The following MICU2 variants were observed in gnomAD, a reference collection of about 807,000 sequenced individuals.
MICU2 encodes calcium uptake protein 2, mitochondrial.
A neutral mutation model predicts 60.4 loss-of-function variants in MICU2; 64 were observed. That is an observed-to-expected ratio of 1.06 (90% CI 0.87 to 1.31). The LOEUF (loss-of-function observed/expected upper bound fraction) is 1.31, where lower values mean the gene tolerates loss of function less well. Ranked by LOEUF, MICU2 falls within the 50% of genes most tolerant of loss-of-function variation. MICU2 has a pLI of 0.00. For missense variants in MICU2, 569 were observed against 531.0 expected, an observed-to-expected ratio of 1.07 and a Z score of -0.70; for synonymous variants, 201 against 175.0, an observed-to-expected ratio of 1.15 and a Z score of -1.17.
intron 1 of MICU2, among the ~76,000 whole-genome samples, chr13:21,572,596 C>A (rs887338134): frequency 3.3e-5 from 5 of 152,242 alleles, no homozygotes; most frequent in Admixed American, 1.3e-4. Flanking sequence ...TTATAATTGG[C>A]ATGTCCTTGT....
chr13:21,583,578 CT>C (rs1345785685), intron 1 of MICU2, among the ~76,000 whole-genome samples: 2 of 152,160 alleles, frequency 1.3e-5, no homozygotes, highest in Admixed American at 6.5e-5. Flanking sequence ...TTAAATGAGC[CT>C]TTGGGAAGTG....
chr13:21,587,392 G>C (rs1487599740), intron 1 of MICU2, among the ~76,000 whole-genome samples: 1 of 152,132 alleles, frequency 6.6e-6, no homozygotes, highest in Non-Finnish European at 1.5e-5. Flanking sequence ...AATGATAAAA[G>C]TAATTGTAAT....
chr13:21,521,404 T>C, intron 5 of MICU2, 77 bp from the exon 6 acceptor site: 2 of 1,109,276 alleles, frequency 1.8e-6, no homozygotes, highest in African/African-American at 1.6e-5. Context: ...TCTTCAAATT[T>C]GACATACACT....
chr13:21,563,927 G>C (rs1465350097), intron 2 of MICU2, among the ~76,000 whole-genome samples: 4 of 151,696 alleles, frequency 2.6e-5, no homozygotes, highest in Non-Finnish European at 5.9e-5. Context: ...CTCAGCCTCT[G>C]AAGTAGCTAG....
At chr13:21,571,206 T>C (rs1888099747) in intron 1 of MICU2, among the ~76,000 whole-genome samples, 1 of 152,142 alleles carries the variant, frequency 6.6e-6, no homozygotes, top group South Asian at 2.1e-4. Context: ...ATATTCGTGG[T>C]AGGTTAGGCT....
chr13:21,558,570 C>T (rs1225604733), intron 2 of MICU2, among the ~76,000 whole-genome samples: 6 of 152,112 alleles, frequency 3.9e-5, no homozygotes, highest in Admixed American at 1.3e-4. Context: ...ATGGTGAAGT[C>T]GGTTTCTTTG....
chr13:21,522,132 C>T (rs1886733505), intron 5 of MICU2, among the ~76,000 whole-genome samples: 1 of 152,198 alleles, frequency 6.6e-6, no homozygotes, highest in Non-Finnish European at 1.5e-5. Flanking sequence ...ATGAACTACA[C>T]TATCGACTTA....
intron 9 of MICU2, among the ~76,000 whole-genome samples, chr13:21,497,913 T>A (rs1178613955): frequency 6.6e-6 from 1 of 152,096 alleles, no homozygotes; most frequent in Admixed American, 6.5e-5. Context: ...CACACCCAAC[T>A]AATGTTTTTA....
At chr13:21,576,292 A>G (rs911906524) in intron 1 of MICU2, among the ~76,000 whole-genome samples, 3 of 152,130 alleles carry the variant, frequency 2.0e-5, no homozygotes, top group Admixed American at 2.0e-4. Context: ...GCAGCTGAGA[A>G]GTAGATGCAG....
intron 1 of MICU2, among the ~76,000 whole-genome samples, chr13:21,599,224 AAAG>A (rs2138079027): frequency 6.6e-6 from 1 of 152,328 alleles, no homozygotes; most frequent in East Asian, 1.9e-4. Flanking sequence ...TTCCTGCAGG[AAAG>A]AAGTACACTT....
At chr13:21,495,121 T>C (rs1593310630) in intron 11 of MICU2, 40 bp downstream of exon 11, 3 of 1,526,288 alleles carry the variant, frequency 2.0e-6, no homozygotes, top group Admixed American at 2.0e-5. Flanking sequence ...TATCAGTTAA[T>C]GACAATGTAA....
At chr13:21,594,981 A>G (rs1888661501) in intron 1 of MICU2, among the ~76,000 whole-genome samples, 2 of 152,220 alleles carry the variant, frequency 1.3e-5, no homozygotes, top group African/African-American at 2.4e-5. Flanking sequence ...TGTTCTGCAC[A>G]TGTATCCTGT....
At chr13:21,594,471 G>A (rs1028693329) in intron 1 of MICU2, among the ~76,000 whole-genome samples, 3 of 152,166 alleles carry the variant, frequency 2.0e-5, no homozygotes, top group African/African-American at 7.2e-5. Flanking sequence ...AGACAGTGTG[G>A]CGACCTCAAG....
intron 8 of MICU2, among the ~76,000 whole-genome samples, chr13:21,509,144 T>C (rs1204230228): frequency 1.3e-5 from 2 of 152,282 alleles, no homozygotes; most frequent in East Asian, 3.9e-4. Context: ...TTTTAAGACT[T>C]TGGTTAGTGG....
intron 1 of MICU2, among the ~76,000 whole-genome samples, chr13:21,599,132 G>A (rs1430531405): frequency 6.6e-6 from 1 of 152,194 alleles, no homozygotes; most frequent in Non-Finnish European, 1.5e-5. Context: ...ACCTCCATCA[G>A]TGGAGAAACT....
chr13:21,573,280 G>GTT (rs113206294), intron 1 of MICU2, among the ~76,000 whole-genome samples: 8 of 57,142 alleles, frequency 1.4e-4, no homozygotes, highest in East Asian at 3.4e-3. Context: ...ACATTTTTTT[G>GTT]TTTTTTTTTT....
Position 21,566,842 on chromosome 13 carries a change from T to C in MICU2, c.313A>G (p.Thr105Ala), listed in dbSNP as rs1887995808. 6.2e-7 allele frequency: 1 copy of C among 1,611,486 alleles called. No individual in the cohort carries two copies. The change falls in exon 2 of 12, where the codon ACA becomes GCA. Residue 105 changes from threonine to alanine, a missense_variant. Physicochemically the swap from Thr to Ala is moderately conservative, Grantham distance 58. Transcript: ENST00000382374. ...ACTGAGAAGAGGAAGTCTCGTGGTG[T>C]CATATAATATTCTCCTTCATGTTCG... ...SLEHEGEYYM[T>A]PRDFLFSVMF...
intron 1 of MICU2, among the ~76,000 whole-genome samples, chr13:21,576,786 CA>C (rs1475481187): frequency 6.6e-6 from 1 of 152,108 alleles, no homozygotes; most frequent in Admixed American, 6.6e-5. Flanking sequence ...TCTCTATCAC[CA>C]AATCTCTCAT....
intron 2 of MICU2, among the ~76,000 whole-genome samples, chr13:21,550,539 TA>T (rs1464602615): frequency 6.6e-6 from 1 of 152,116 alleles, no homozygotes; most frequent in African/African-American, 2.4e-5. Context: ...CGCTATCTCT[TA>T]AACAAAACAA....
Sources: allele counts gnomAD v4.1 joint callset (sites outside exome capture counted in the v4.1 genomes callset), GRCh38; gene constraint gnomAD v4.1.1; transcripts MANE v1.5; gene names NCBI Gene and HGNC (gene_info 2026-07-23, HGNC 2026-07-21).